BCAS3: variants seen among roughly 807,000 people sequenced by gnomAD.
The protein encoded by BCAS3 is BCAS3 microtubule associated cell migration factor, also known as BCAS4/BCAS3 fusion.
In BCAS3, 53 loss-of-function variants were observed where a neutral mutation model predicts 116.1. The ratio of observed to expected loss-of-function variants is 0.46; its 90% CI spans 0.37 to 0.57. BCAS3 has a LOEUF of 0.57. Among genes scored for constraint, BCAS3 ranks in the 20% least tolerant of loss-of-function variants. The probability of loss-of-function intolerance (pLI) is 0.00; values close to 1 mark genes in which losing one functional copy is unlikely to be tolerated. For synonymous variants in BCAS3, 391 were observed against 408.2 expected, an observed-to-expected ratio of 0.96 and a Z score of 0.51; for missense variants, 917 against 1,165.4, an observed-to-expected ratio of 0.79 and a Z score of 3.10.
In BCAS3 at chr17:61,378,923, A is replaced by G. The variant is rs2059466578; in HGVS notation, c.2593+10429A>G. The stretch of plus-strand genomic sequence containing the variant: ...TCCTCTGCATATTTCTTAGTTGTCT[A>G]AAGTGACTTTTCAACTCTTTCACCA... On this transcript the variant is annotated intron_variant, in intron 23 of 23. Coordinates refer to ENST00000407086, the MANE Select transcript of BCAS3 (RefSeq NM_017679.5). This position sits in a 1 kb window ranked among gnomAD's most constrained non-coding sequence, Gnocchi z 5.8. 1 of 152,258 alleles carries G rather than the reference A, an allele frequency of 6.6e-6. No individual in the cohort carries two copies. The highest frequency in any genetic ancestry group is 2.1e-4 in the South Asian group (1 of 4,838). 9.4% of individuals were successfully genotyped at this position (152,258 alleles called of 1,614,324 possible). A position where few individuals can be genotyped will look rare whatever the true frequency, so the allele number is the denominator to read the frequency against.
chr17:61,166,305 T>C (rs1382210540), intron 22 of BCAS3, among the ~76,000 whole-genome samples: 12 of 152,032 alleles, frequency 7.9e-5, no homozygotes, highest in African/African-American at 2.9e-4. Context: ...ATCAGGCCCT[T>C]CTAATAGCAA....
intron 7 of BCAS3, among the ~76,000 whole-genome samples, chr17:60,840,806 A>G (rs1201487902): frequency 1.3e-5 from 2 of 152,252 alleles, no homozygotes; most frequent in Non-Finnish European, 2.9e-5. Flanking sequence ...ATCTTTTGAC[A>G]GGTTAACCTC....
In BCAS3 at chr17:61,388,959, A is replaced by ATCATTCATTCATTCAT. The variant is rs58589853; in HGVS notation, c.2594-2989_2594-2974dup. The ATCATTCATTCATTCAT allele has an allele frequency of 3.4e-6, 1 of 293,962 alleles. No individual in the cohort carries two copies. Among genetic ancestry groups the ATCATTCATTCATTCAT allele is most frequent in the Non-Finnish European group, 6.4e-6 (1 of 156,348 alleles). The allele number at this position is 293,962 out of a possible 1,614,324, so 18.2% of individuals were successfully genotyped here. On this transcript the variant is annotated intron_variant, in intron 23 of 23. Transcript: ENST00000407086. This position sits in a 1 kb window ranked among gnomAD's most constrained non-coding sequence, Gnocchi z 6.5. ...ATGGGCCCCCACCTCCCCTTACCAC[A>ATCATTCATTCATTCAT]TCATTCATTCATTCATTCATTCATT... is the stretch of plus-strand genomic sequence containing the variant.
At chr17:60,802,585 G>A (rs1029634790) in intron 6 of BCAS3, among the ~76,000 whole-genome samples, 2 of 152,000 alleles carry the variant, frequency 1.3e-5, no homozygotes, top group African/African-American at 2.4e-5. Flanking sequence ...TTGGCTGTTT[G>A]CACATGATTG....
At chr17:61,264,425 T>A (rs1010620773) in intron 22 of BCAS3, among the ~76,000 whole-genome samples, 1 of 151,444 alleles carries the variant, frequency 6.6e-6, no homozygotes, top group Non-Finnish European at 1.5e-5. Context: ...TTTTTTTTTT[T>A]AGAGAGAGAG....
At chr17:60,926,645 T>A (rs2059379244) in intron 13 of BCAS3, among the ~76,000 whole-genome samples, 1 of 152,318 alleles carries the variant, frequency 6.6e-6, no homozygotes, top group East Asian at 1.9e-4. Flanking sequence ...AGCACTCCAC[T>A]TGGAATGACC....
chr17:61,322,678 C>T (rs548230804), intron 22 of BCAS3, among the ~76,000 whole-genome samples: 1 of 151,620 alleles, frequency 6.6e-6, no homozygotes, highest in South Asian at 2.1e-4. Context: ...TTTTTTTGTC[C>T]TTGACAATAA....
Position 61,020,751 on chromosome 17 carries a change from C to CA in BCAS3, c.1637+4857dup, listed in dbSNP as rs1172464229. On this transcript the variant is annotated intron_variant, in intron 16 of 23. Coordinates refer to ENST00000407086, the MANE Select transcript of BCAS3 (RefSeq NM_017679.5). This position sits in a 1 kb window ranked among gnomAD's most constrained non-coding sequence, Gnocchi z 4.5. ...AAAATATTTTCTATGTAACAATTCA[C>CA]AAAAAAATGTTCATCAATGAGCTTA... Among the ~76,000 whole-genome samples, 1 of 151,904 alleles carries CA rather than the reference C, an allele frequency of 6.6e-6. No homozygotes were observed. Among genetic ancestry groups the CA allele is most frequent in the African/African-American group, 2.4e-5 (1 of 41,356 alleles).
rs138016048 is a variant in BCAS3, at chr17:61,268,085, T to C, written c.2426-100242T>C. Among the ~76,000 whole-genome samples, 24 of 152,342 alleles carry C rather than the reference T, an allele frequency of 1.6e-4. 1 individual carries two copies. The highest frequency in any genetic ancestry group is 5.8e-4 in the African/African-American group (24 of 41,580). ...AGACTGTCATTCACTGAAGACACAG[T>C]ATCCTTAGTCACATTTGATCTTGGG... is the stretch of plus-strand genomic sequence containing the variant. On this transcript the variant is annotated intron_variant, in intron 22 of 23. Coordinates refer to ENST00000407086, the MANE Select transcript of BCAS3 (RefSeq NM_017679.5).
intron 4 of BCAS3, among the ~76,000 whole-genome samples, chr17:60,696,876 C>CT (rs1198623796): frequency 6.6e-6 from 1 of 152,108 alleles, no homozygotes; most frequent in African/African-American, 2.4e-5. Flanking sequence ...CATTATTTAC[C>CT]TTTTAGAGTG....
At chr17:61,341,176 T>C (rs1236355593) in intron 22 of BCAS3, among the ~76,000 whole-genome samples, 3 of 152,134 alleles carry the variant, frequency 2.0e-5, no homozygotes, top group Non-Finnish European at 4.4e-5. Flanking sequence ...GAACAGACTG[T>C]AACAAGAAGG....
chr17:60,681,634 C>G (rs556399663), intron 2 of BCAS3, among the ~76,000 whole-genome samples: 2 of 151,096 alleles, frequency 1.3e-5, no homozygotes, highest in Non-Finnish European at 2.9e-5. Context: ...TCACTGCAAC[C>G]TCCGCCTTCT....
rs575008700 is a variant in BCAS3 at position 61,313,851 on chromosome 17, G to A, written c.2426-54476G>A. ...CTCAAGCAAGAGATGTTTCAATGCCGCGGAGCCAGTGACCACACGTGGGCC... is the reference window on the plus strand; with the variant it reads ...CTCAAGCAAGAGATGTTTCAATGCCACGGAGCCAGTGACCACACGTGGGCC... On this transcript the variant is annotated intron_variant, in intron 22 of 23. Transcript: ENST00000407086. This position sits in a 1 kb window ranked among gnomAD's most constrained non-coding sequence, Gnocchi z 4.3. 1.2e-4 allele frequency among the ~76,000 whole-genome samples: 18 copies of A among 152,192 alleles called. No homozygotes were observed. The highest frequency in any genetic ancestry group is 3.3e-4 in the Admixed American group (5 of 15,274).
In BCAS3 at chr17:61,131,777, C is replaced by T. The variant is rs1434445711; in HGVS notation, c.2425+47213C>T. On this transcript the variant is annotated intron_variant, in intron 22 of 23. Transcript: ENST00000407086. This position sits in a 1 kb window ranked among gnomAD's most constrained non-coding sequence, Gnocchi z 4.4. The stretch of plus-strand genomic sequence containing the variant: ...TGAGCAGAAACACTCATGAAGGAGC[C>T]CTGATTAAAAAGAGTGGTAATGAAG... Among the ~76,000 whole-genome samples, 1 of 152,112 alleles carries T rather than the reference C, an allele frequency of 6.6e-6. No individual in the cohort carries two copies. Among genetic ancestry groups the T allele is most frequent in the African/African-American group, 2.4e-5 (1 of 41,412 alleles).
intron 7 of BCAS3, among the ~76,000 whole-genome samples, chr17:60,856,794 C>G (rs1428648591): frequency 6.6e-6 from 1 of 152,058 alleles, no homozygotes; most frequent in Non-Finnish European, 1.5e-5. Flanking sequence ...TTTAAGAAAT[C>G]TGGTTTAAAT....
At chr17:61,064,247 T>C (rs552627366) in intron 19 of BCAS3, among the ~76,000 whole-genome samples, 1 of 152,160 alleles carries the variant, frequency 6.6e-6, no homozygotes, top group South Asian at 2.1e-4. Context: ...TAGTGCACTA[T>C]GATGATCATG....
Position 61,302,181 on chromosome 17 carries a change from C to T in BCAS3, c.2426-66146C>T, listed in dbSNP as rs564159184. Among the ~76,000 whole-genome samples the T allele has an allele frequency of 7.5e-4, 114 of 152,278 alleles. 1 individual carries two copies. The highest frequency in any genetic ancestry group is 2.4e-3 in the African/African-American group (100 of 41,564). On this transcript the variant is annotated intron_variant, in intron 22 of 23. Coordinates refer to ENST00000407086, the MANE Select transcript of BCAS3 (RefSeq NM_017679.5). This position sits in a 1 kb window ranked among gnomAD's most constrained non-coding sequence, Gnocchi z 4.4. ...AAGAGCCAAAAACTCCCCCCTCCCC[C>T]GACTCCCAGGGTTCTCCTGTTCTCT...
chr17:60,867,181 A>G (rs899735854), intron 7 of BCAS3, among the ~76,000 whole-genome samples: 7 of 151,262 alleles, frequency 4.6e-5, no homozygotes, highest in African/African-American at 1.7e-4. Flanking sequence ...ATCTTGGCTC[A>G]CTGCAACTCC....
At chr17:61,123,817 A>G (rs2143824594) in intron 22 of BCAS3, among the ~76,000 whole-genome samples, 1 of 152,294 alleles carries the variant, frequency 6.6e-6, no homozygotes, top group East Asian at 1.9e-4. Context: ...ATTGGCATAT[A>G]TGCTGACATA....
Sources: allele counts gnomAD v4.1 joint callset (sites outside exome capture counted in the v4.1 genomes callset), GRCh38; gene constraint gnomAD v4.1.1; non-coding constraint Gnocchi (gnomAD v3.1); transcripts MANE v1.5; gene names NCBI Gene and HGNC (gene_info 2026-07-23, HGNC 2026-07-21).